TOX3: variants seen among roughly 807,000 people sequenced by gnomAD.
The protein encoded by TOX3 is TOX high mobility group box family member 3.
TOX3 carries 22 observed loss-of-function variants against 64.3 expected under a neutral mutation model. The ratio of observed to expected loss-of-function variants is 0.34; its 90% CI spans 0.24 to 0.49. TOX3 has a LOEUF of 0.49. Ranked by LOEUF, TOX3 falls within the 20% of genes least tolerant of loss-of-function variation. The probability of loss-of-function intolerance (pLI) is 0.99; values close to 1 mark genes in which losing one functional copy is unlikely to be tolerated. For missense variants in TOX3, 661 were observed against 714.4 expected (o/e 0.93, Z 0.85); for synonymous variants, 291 against 273.6 (o/e 1.06, Z -0.63).
At chr16:52,443,167 A>G (rs1295462120) in intron 6 of TOX3, among the ~76,000 whole-genome samples, 1 of 152,200 alleles carries the variant, frequency 6.6e-6, no homozygotes, top group Non-Finnish European at 1.5e-5. Context: ...TAGTTAACCA[A>G]CTATACTTTA....
intron 3 of TOX3, among the ~76,000 whole-genome samples, chr16:52,460,902 C>G (rs1209813627): frequency 6.6e-6 from 1 of 152,150 alleles, no homozygotes; most frequent in African/African-American, 2.4e-5. Flanking sequence ...AACTAAATTA[C>G]AGAATCAATC....
chr16:52,493,504 C>T (rs928616218), intron 1 of TOX3, among the ~76,000 whole-genome samples: 1 of 152,110 alleles, frequency 6.6e-6, no homozygotes, highest in Non-Finnish European at 1.5e-5. Context: ...ACATTTTATG[C>T]CAAATATCAT....
intron 1 of TOX3, among the ~76,000 whole-genome samples, chr16:52,500,771 T>C (rs536423164): frequency 6.6e-6 from 1 of 152,232 alleles, no homozygotes; most frequent in Non-Finnish European, 1.5e-5. Context: ...TCATAAAATC[T>C]AAGACACCAT....
At chr16:52,524,216 G>C (rs1021885812) in intron 1 of TOX3, among the ~76,000 whole-genome samples, 1 of 152,052 alleles carries the variant, frequency 6.6e-6, no homozygotes, top group African/African-American at 2.4e-5. Flanking sequence ...ACATTATCTT[G>C]AACTATGGCA....
intron 1 of TOX3, 44 bp downstream of exon 1, chr16:52,546,593 G>A: frequency 1.3e-6 from 2 of 1,511,482 alleles, no homozygotes; most frequent in Non-Finnish European, 1.8e-6. Context: ...CCCAGGATGG[G>A]GAGGTGGCCC....
intron 4 of TOX3, 82 bp from the exon 5 acceptor site, chr16:52,446,303 C>T (rs1292513127): frequency 2.1e-6 from 3 of 1,432,704 alleles, no homozygotes; most frequent in Non-Finnish European, 2.8e-6. Context: ...CATAATTGTT[C>T]TTTGAAGGTT....
chr16:52,445,864 C>T, intron 5 of TOX3, 130 bp downstream of exon 5: 1 of 861,554 alleles, frequency 1.2e-6, no homozygotes, highest in South Asian at 1.9e-5. Flanking sequence ...TTTTTAAATT[C>T]CATTGCTTAG....
intron 1 of TOX3, among the ~76,000 whole-genome samples, chr16:52,485,267 T>TATATATATATAC (rs1163640369): frequency 7.6e-4 from 105 of 137,862 alleles, no homozygotes; most frequent in African/African-American, 2.6e-3. Flanking sequence ...TATATATATA[T>TATATATATATAC]ATATACATAT....
upstream of TOX3, chr16:52,547,520 T>A (rs1460958914): frequency 6.6e-6 from 1 of 152,130 alleles, no homozygotes; most frequent in Non-Finnish European, 1.5e-5. Flanking sequence ...GGCCCCAGCA[T>A]CCCCAAGCCG....
intron 4 of TOX3, among the ~76,000 whole-genome samples, chr16:52,447,001 C>A (rs1305099306): frequency 1.3e-5 from 2 of 152,152 alleles, no homozygotes; most frequent in Non-Finnish European, 2.9e-5. Flanking sequence ...ACCCTGCTCA[C>A]AAGAATACTC....
chr16:52,490,986 T>C (rs1412557097), intron 1 of TOX3, among the ~76,000 whole-genome samples: 1 of 152,152 alleles, frequency 6.6e-6, no homozygotes, highest in African/African-American at 2.4e-5. Context: ...ATTTACCTAA[T>C]TGGTTTTCAA....
At chr16:52,440,219 C>G (rs531654190) in intron 6 of TOX3, among the ~76,000 whole-genome samples, 2 of 152,186 alleles carry the variant, frequency 1.3e-5, no homozygotes, top group Non-Finnish European at 2.9e-5. Context: ...TGATACTGCT[C>G]CAGTTCCAAG....
intron 1 of TOX3, among the ~76,000 whole-genome samples, chr16:52,521,382 T>A (rs1346273678): frequency 1.3e-5 from 2 of 152,120 alleles, no homozygotes; most frequent in Non-Finnish European, 2.9e-5. Flanking sequence ...TTTGCTCATG[T>A]CCCTGGCCAG....
In TOX3 at chr16:52,439,603, C is replaced by T. The variant is rs374335680; in HGVS notation, c.1353G>A (p.Gln451=). ...GCATCTGTTGCATCTGTTGTTGTTG[C>T]TGCTGCTGCTGCTGCTGCAATTGCA... ...HQMQLQQQQQ[Q]QQQQMQQMQQ... The change falls in exon 7 of 7, where the codon CAG becomes CAA. Residue 451 remains glutamine (Q), a synonymous_variant. Coordinates refer to ENST00000219746, the MANE Select transcript of TOX3 (RefSeq NM_001080430.4). 125 of 1,501,378 alleles carry T rather than the reference C, an allele frequency of 8.3e-5. No individual in the cohort carries two copies. Among genetic ancestry groups the T allele is most frequent in the South Asian group, 3.2e-4 (28 of 87,682 alleles). The allele number at this position is 1,501,378 out of a possible 1,614,324, so 93.0% of individuals were successfully genotyped here.
chr16:52,498,019 T>C (rs1297059585), intron 1 of TOX3, among the ~76,000 whole-genome samples: 1 of 152,198 alleles, frequency 6.6e-6, no homozygotes, highest in Non-Finnish European at 1.5e-5. Flanking sequence ...AATATGATTT[T>C]GGGCTAAGAA....
At chr16:52,501,255 C>A (rs1439945174) in intron 1 of TOX3, among the ~76,000 whole-genome samples, 1 of 152,152 alleles carries the variant, frequency 6.6e-6, no homozygotes, top group South Asian at 2.1e-4. Context: ...AACATGGGCA[C>A]CCAATTGCAA....
At chr16:52,508,070 A>C (rs1197858469) in intron 1 of TOX3, among the ~76,000 whole-genome samples, 1 of 152,236 alleles carries the variant, frequency 6.6e-6, no homozygotes. Flanking sequence ...TAAGCAAAGA[A>C]ATACGCTATC....
chr16:52,487,444 A>C (rs1111480), intron 1 of TOX3, among the ~76,000 whole-genome samples: 20,770 of 152,180 alleles, frequency 0.14, 1,567 homozygotes, highest in East Asian at 0.34. Context: ...GATTGCTTTC[A>C]CTTCAAGAAC....
chr16:52,547,049 T>A lies in TOX3; in HGVS notation c.-326A>T. On this transcript the variant is annotated 5_prime_UTR_variant, in exon 1 of 7. Coordinates refer to ENST00000219746, the MANE Select transcript of TOX3 (RefSeq NM_001080430.4). ...CCCGGGTCGGCGAGGCGAGTTCAGG[T>A]GCGCTGGGCGAGGCTGGGACGGCGG... The A allele has an allele frequency of 1.4e-6, 1 of 692,800 alleles. No homozygotes were observed. Among genetic ancestry groups the A allele is most frequent in the Non-Finnish European group, 1.8e-6 (1 of 565,244 alleles). The allele number at this position is 692,800 out of a possible 1,614,324, so 42.9% of individuals were successfully genotyped here.
Sources: allele counts gnomAD v4.1 joint callset (sites outside exome capture counted in the v4.1 genomes callset), GRCh38; gene constraint gnomAD v4.1.1; transcripts MANE v1.5; gene names NCBI Gene and HGNC (gene_info 2026-07-23, HGNC 2026-07-21).